The following CNTNAP3B variants were observed in gnomAD, a reference collection of about 807,000 sequenced individuals.
The protein encoded by CNTNAP3B is contactin-associated protein-like 3B.
Under a neutral mutation model 108.9 loss-of-function variants are expected in CNTNAP3B, and 25 were observed. The observed-to-expected ratio is 0.23, with a 90% CI of 0.17 to 0.32. CNTNAP3B has a LOEUF of 0.32. Among genes scored for constraint, CNTNAP3B ranks in the 10% least tolerant of loss-of-function variants. The probability of loss-of-function intolerance (pLI) is 1.00; values close to 1 mark genes in which losing one functional copy is unlikely to be tolerated. For missense variants in CNTNAP3B, 252 were observed against 1,210.4 expected (o/e 0.21, Z 11.75); for synonymous variants, 103 against 473.4 (o/e 0.22, Z 10.16).
chr9:41,958,270 T>TTTG (rs1201502625), intron 12 of CNTNAP3B, among the ~76,000 whole-genome samples: 42 of 152,350 alleles, frequency 2.8e-4, no homozygotes, highest in South Asian at 1.9e-3. Flanking sequence ...ACCATGCTGT[T>TTTG]TTGTTGTTGT....
intron 10 of CNTNAP3B, among the ~76,000 whole-genome samples, chr9:41,968,410 A>G (rs1228019556): frequency 7.1e-6 from 1 of 139,946 alleles, no homozygotes; most frequent in African/African-American, 2.8e-5. Flanking sequence ...CCACGACTAC[A>G]GAGTGTGGTT....
intron 2 of CNTNAP3B, among the ~76,000 whole-genome samples, chr9:42,080,430 T>C (rs1199463908): frequency 7.2e-6 from 1 of 139,808 alleles, no homozygotes; most frequent in East Asian, 2.2e-4. Flanking sequence ...AAGGGTAAGC[T>C]GCTGTGCACA....
intron 3 of CNTNAP3B, among the ~76,000 whole-genome samples, chr9:42,032,372 T>TCACTTAAATC (rs1826536466): frequency 8.8e-6 from 1 of 114,244 alleles, no homozygotes; most frequent in African/African-American, 3.7e-5. Context: ...TGTTCCATCT[T>TCACTTAAATC]CACTTAAAAT....
chr9:42,077,183 AG>A (rs1402392191), intron 2 of CNTNAP3B, 121 bp from the exon 3 acceptor site: 9 of 563,750 alleles, frequency 1.6e-5, no homozygotes, highest in Non-Finnish European at 2.5e-5. Flanking sequence ...GATTTACAAT[AG>A]AAAAAATAGA....
chr9:42,096,685 C>A (rs546677688), intron 2 of CNTNAP3B, among the ~76,000 whole-genome samples: 1 of 111,166 alleles, frequency 9.0e-6, no homozygotes, highest in African/African-American at 3.6e-5. Context: ...AACCTCATAT[C>A]CCCCCATCAA....
At chr9:41,924,645 GCACA>G (rs200851620) in intron 15 of CNTNAP3B, among the ~76,000 whole-genome samples, 22,410 of 133,072 alleles carry the variant, frequency 0.17, 287 homozygotes, top group Non-Finnish European at 0.18. Context: ...TTTCCTTCCT[GCACA>G]CACACACACA....
chr9:41,962,709 G>C (rs62557282), intron 11 of CNTNAP3B, among the ~76,000 whole-genome samples: 1 of 144,120 alleles, frequency 6.9e-6, no homozygotes, highest in African/African-American at 2.7e-5. Flanking sequence ...TAATCCCAGC[G>C]CTTCGGGAGT....
At chr9:41,927,770 C>T (rs932990441) in intron 15 of CNTNAP3B, among the ~76,000 whole-genome samples, 88 of 152,218 alleles carry the variant, frequency 5.8e-4, no homozygotes, top group Admixed American at 1.4e-3. Context: ...ACAGAGAAAT[C>T]GGAAATATCT....
intron 3 of CNTNAP3B, among the ~76,000 whole-genome samples, chr9:42,019,595 A>G (rs1249562825): frequency 2.0e-5 from 2 of 100,082 alleles, no homozygotes; most frequent in African/African-American, 3.3e-5. Flanking sequence ...CTACTTCAAA[A>G]AAAAAAAAAA....
chr9:41,925,642 T>A (rs1226810260), intron 15 of CNTNAP3B, among the ~76,000 whole-genome samples: 1 of 152,298 alleles, frequency 6.6e-6, no homozygotes, highest in East Asian at 1.9e-4. Context: ...CTTGATCTTT[T>A]ACTAATTTAT....
At chr9:41,936,198 A>G (rs1300674271) in intron 14 of CNTNAP3B, among the ~76,000 whole-genome samples, 1 of 152,296 alleles carries the variant, frequency 6.6e-6, no homozygotes, top group Non-Finnish European at 1.5e-5. Flanking sequence ...AATCGCTTGA[A>G]TCCGGGAGGC....
Position 42,116,114 on chromosome 9 carries a change from G to T in CNTNAP3B, c.86-11375C>A, listed in dbSNP as rs1156810873. Among the ~76,000 whole-genome samples, 6 of 139,498 alleles carry T rather than the reference G, an allele frequency of 4.3e-5. 2 individuals are homozygous for T. The highest frequency in any genetic ancestry group is 4.3e-4 in the Admixed American group (6 of 14,024). The allele number at this position is 139,498 out of a possible 152,430, so 91.5% of individuals were successfully genotyped here. A position where few individuals can be genotyped will look rare whatever the true frequency, so the allele number is the denominator to read the frequency against. On this transcript the variant is annotated intron_variant, in intron 1 of 23. Transcript: ENST00000377561. ...CCAATCCGATCAACTGGAAGAAAGG[G>T]TATCAGTGATTGAGGATCAAATGAA... is the stretch of plus-strand genomic sequence containing the variant.
intron 3 of CNTNAP3B, among the ~76,000 whole-genome samples, chr9:42,044,347 G>C (rs1826824206): frequency 6.6e-6 from 1 of 150,898 alleles, no homozygotes; most frequent in East Asian, 1.9e-4. Flanking sequence ...CAGGGATTTG[G>C]GGACTACTGC....
chr9:42,010,292 C>A (rs1414696991), intron 4 of CNTNAP3B, among the ~76,000 whole-genome samples: 1 of 143,650 alleles, frequency 7.0e-6, no homozygotes, highest in East Asian at 2.0e-4. Flanking sequence ...ACAGAATGAC[C>A]CAAACTTGGA....
chr9:42,109,489 T>C (rs1201155726), intron 1 of CNTNAP3B, among the ~76,000 whole-genome samples: 1 of 147,770 alleles, frequency 6.8e-6, no homozygotes, highest in Non-Finnish European at 1.5e-5. Flanking sequence ...ATTTTGTCCG[T>C]ATCTGCAGAG....
intron 14 of CNTNAP3B, among the ~76,000 whole-genome samples, chr9:41,932,450 T>TA (rs1359639484): frequency 2.0e-5 from 3 of 151,756 alleles, no homozygotes; most frequent in Non-Finnish European, 4.4e-5. Flanking sequence ...AGTAGAGCCA[T>TA]AAGTTTGGGA....
intron 14 of CNTNAP3B, among the ~76,000 whole-genome samples, chr9:41,935,451 A>G (rs1479574911): frequency 6.6e-6 from 1 of 152,298 alleles, no homozygotes; most frequent in Non-Finnish European, 1.5e-5. Flanking sequence ...TCAGTAATAG[A>G]AAATAAGTAA....
rs551169738 is a variant in CNTNAP3B, at chr9:42,070,760, C to T, written c.390+6109G>A. Reference sequence around the variant, plus strand: ...CTCCAACCTCTGACCTTCCTTCTGCCCCCTCCGTTAGTTCCACTCACATTT... The same window carrying T: ...CTCCAACCTCTGACCTTCCTTCTGCTCCCTCCGTTAGTTCCACTCACATTT... On this transcript the variant is annotated intron_variant, in intron 3 of 23. Transcript: ENST00000377561. Among the ~76,000 whole-genome samples the T allele has an allele frequency of 1.4e-4, 22 of 152,242 alleles. No individual in the cohort carries two copies. The South Asian group carries it at 3.1e-3, about 22-fold the overall frequency.
rs1175767154 is a variant in CNTNAP3B at position 42,012,795 on chromosome 9, C to T, written c.538+583G>A. Among the ~76,000 whole-genome samples, 10 of 92,392 alleles carry T rather than the reference C, an allele frequency of 1.1e-4. 2 individuals carry two copies. Among genetic ancestry groups the T allele is most frequent in the South Asian group, 3.4e-4 (1 of 2,924 alleles). The allele number at this position is 92,392 out of a possible 152,430, so 60.6% of individuals were successfully genotyped here. A position where few individuals can be genotyped will look rare whatever the true frequency, so the allele number is the denominator to read the frequency against. On this transcript the variant is annotated intron_variant, in intron 4 of 23. Coordinates refer to ENST00000377561, the MANE Select transcript of CNTNAP3B (RefSeq NM_001201380.3). ...GAGTACCACCAAATAATCTCACGGC[C>T]GGCTTTTTGTTTGTGTTATATTCAT...
Sources: gnomAD v4.1 joint callset for allele counts (sites outside exome capture counted in the v4.1 genomes callset) on GRCh38, gnomAD v4.1.1 for gene constraint, MANE v1.5 for transcripts, NCBI Gene and HGNC (gene_info 2026-07-23, HGNC 2026-07-21) for gene names.